Variants in EFCAB13 observed in about 807,000 individuals in gnomAD.
EFCAB13 encodes the protein EF-hand calcium-binding domain-containing protein 13.
EFCAB13 carries 91 observed loss-of-function variants against 110.2 expected under a neutral mutation model. The ratio of observed to expected loss-of-function variants is 0.83; its 90% CI spans 0.70 to 0.98. The LOEUF is 0.98. Among genes scored for constraint, EFCAB13 ranks in the 50% least tolerant of loss-of-function variants. The pLI is 0.00. For missense variants in EFCAB13, 968 were observed against 1,119.4 expected (o/e 0.86, Z 1.93); for synonymous variants, 323 against 369.9 (o/e 0.87, Z 1.45).
At chr17:47,346,436 C>G (rs2065416594) in intron 8 of EFCAB13, among the ~76,000 whole-genome samples, 1 of 126,718 alleles carries the variant, frequency 7.9e-6, no homozygotes, top group African/African-American at 2.9e-5. Flanking sequence ...GTACTTTACC[C>G]CCCCCCCCAT....
intron 2 of EFCAB13, among the ~76,000 whole-genome samples, chr17:47,325,694 C>T (rs1470636467): frequency 6.6e-6 from 1 of 151,738 alleles, no homozygotes. Flanking sequence ...TCAGTTCTTG[C>T]AGGTCTGTAC....
chr17:47,334,692 G>A (rs1007216533), intron 4 of EFCAB13, among the ~76,000 whole-genome samples: 5 of 152,062 alleles, frequency 3.3e-5, no homozygotes, highest in Non-Finnish European at 7.4e-5. Context: ...GAGGTGGGAG[G>A]ACTGCTTGAG....
At chr17:47,424,872 A>ATTTTTTTTTTTTTTTTT (rs1459453287) in intron 23 of EFCAB13, among the ~76,000 whole-genome samples, 2 of 68,344 alleles carry the variant, frequency 2.9e-5, no homozygotes, top group African/African-American at 7.1e-5. Context: ...CCGGTTGACA[A>ATTTTTTTTTTTTTTTTT]TCTTTTTTTT....
chr17:47,394,001 A>G lies in EFCAB13; in HGVS notation c.1727-24A>G. On this transcript the variant is annotated intron_variant, in intron 15 of 24. Transcript: ENST00000331493. ...ATAATAATACTTAAAAGATGCCAAAAAAATGTGTTTCTTTTTCCTGTAGAA... is the reference window on the plus strand; with the variant it reads ...ATAATAATACTTAAAAGATGCCAAAGAAATGTGTTTCTTTTTCCTGTAGAA... 2.1e-6 allele frequency: 3 copies of G among 1,432,446 alleles called. No homozygotes were observed. The South Asian group carries it at 4.1e-5, about 20-fold the overall frequency. The allele number at this position is 1,432,446 out of a possible 1,614,324, so 88.7% of individuals were successfully genotyped here.
chr17:47,395,743 A>C (rs1207763116), intron 16 of EFCAB13, 91 bp from the exon 17 acceptor site: 1 of 1,139,622 alleles, frequency 8.8e-7, no homozygotes, highest in African/African-American at 1.6e-5. Flanking sequence ...AAACCATAAA[A>C]ACCTTAATTT....
intron 10 of EFCAB13, among the ~76,000 whole-genome samples, chr17:47,367,995 T>C (rs894973140): frequency 2.0e-5 from 3 of 152,122 alleles, no homozygotes; most frequent in Non-Finnish European, 2.9e-5. Flanking sequence ...AAGACACTTT[T>C]TCAGATTCAA....
chr17:47,402,534 G>T (rs539224104), intron 18 of EFCAB13, among the ~76,000 whole-genome samples: 51 of 152,312 alleles, frequency 3.3e-4, no homozygotes, highest in African/African-American at 1.2e-3. Context: ...AGGGAATATG[G>T]TCAGTGTCTG....
At chr17:47,397,158 C>T (rs1044750222) in intron 17 of EFCAB13, among the ~76,000 whole-genome samples, 154 of 152,030 alleles carry the variant, frequency 1.0e-3, no homozygotes, top group Admixed American at 2.2e-3. Context: ...ATTGCAGGCG[C>T]GCGCCGCCAC....
At position 47,391,651 on chromosome 17, in the gene EFCAB13, T is replaced by C. The variant is rs879251142; in HGVS notation, c.1726+71T>C. 5 of 1,362,462 alleles carry C rather than the reference T, an allele frequency of 3.7e-6. No individual in the cohort carries two copies. The South Asian group carries it at 6.3e-5, about 17-fold the overall frequency. 84.4% of individuals were successfully genotyped at this position (1,362,462 alleles called of 1,614,324 possible). A position where few individuals can be genotyped will look rare whatever the true frequency, so the allele number is the denominator to read the frequency against. On this transcript the variant is annotated intron_variant, in intron 15 of 24. Coordinates refer to ENST00000331493, the MANE Select transcript of EFCAB13 (RefSeq NM_152347.5). ...GAGGGTCAATTTGTTATTTTTTTCT[T>C]AGAAAAATGACTAATTTTTTTATTA...
rs1284222705 is a variant in EFCAB13 at position 47,369,356 on chromosome 17, G to T, written c.806-1081G>T. On this transcript the variant is annotated intron_variant, in intron 10 of 24. Coordinates refer to ENST00000331493, the MANE Select transcript of EFCAB13 (RefSeq NM_152347.5). ...TTTCAATTGTGTATTTTTTTCCAAG[G>T]CGAGGAAACCATTGGCAATACAAGA... Among the ~76,000 whole-genome samples, 3 of 151,956 alleles carry T rather than the reference G, an allele frequency of 2.0e-5. No individual in the cohort carries two copies. In the East Asian group the frequency reaches 5.8e-4, roughly 29 times the overall value.
intron 24 of EFCAB13, among the ~76,000 whole-genome samples, chr17:47,436,248 T>C (rs1905212065): frequency 6.6e-6 from 1 of 152,154 alleles, no homozygotes; most frequent in Admixed American, 6.6e-5. Flanking sequence ...TTTGGTTATG[T>C]CCTTTCTTGG....
intron 15 of EFCAB13, among the ~76,000 whole-genome samples, chr17:47,392,570 A>G (rs937533710): frequency 6.6e-6 from 1 of 152,146 alleles, no homozygotes; most frequent in Admixed American, 6.5e-5. Flanking sequence ...TACCAATAGG[A>G]CAAGATAAGG....
Position 47,395,836 on chromosome 17 carries a change from T to C in EFCAB13, c.1804T>C (p.Leu602=). 6.2e-7 allele frequency: 1 copy of C among 1,601,404 alleles called. No individual in the cohort carries two copies. Among genetic ancestry groups the C allele is most frequent in the Non-Finnish European group, 8.5e-7 (1 of 1,172,548 alleles). ...CTTGTGTTTTATCTACCCTTTAGTATTGCCTGATGCTATTGAAACCCTCGA... is the reference window on the plus strand; with the variant it reads ...CTTGTGTTTTATCTACCCTTTAGTACTGCCTGATGCTATTGAAACCCTCGA... The part of the protein sequence containing the change: ...NTECFSEKLV[L]PDAIETLDDL... The change falls in exon 17 of 25, where the codon TTG becomes CTG. Residue 602 remains leucine, a splice_region_variant and synonymous_variant. Transcript: ENST00000331493.
Position 47,327,325 on chromosome 17 carries a change from C to T in EFCAB13, c.-86+938C>T, listed in dbSNP as rs545356301. 1.8e-3 allele frequency among the ~76,000 whole-genome samples: 269 copies of T among 151,960 alleles called. 2 individuals are homozygous for T. Among genetic ancestry groups the T allele is most frequent in the African/African-American group, 6.4e-3 (266 of 41,430 alleles). ...GATTATAGGTGCGTGCCACCACACTCGGCTAATTTTTGTATTTTCAGTAGA... is the reference window on the plus strand; with the variant it reads ...GATTATAGGTGCGTGCCACCACACTTGGCTAATTTTTGTATTTTCAGTAGA... On this transcript the variant is annotated intron_variant, in intron 3 of 24. Transcript: ENST00000331493.
chr17:47,404,921 A>G (rs2065797690), intron 20 of EFCAB13, among the ~76,000 whole-genome samples: 1 of 152,128 alleles, frequency 6.6e-6, no homozygotes, highest in African/African-American at 2.4e-5. Context: ...GTTCTTTTTA[A>G]TGCTGTAAAA....
At chr17:47,390,623 A>G (rs554168686) in intron 14 of EFCAB13, among the ~76,000 whole-genome samples, 147 of 152,286 alleles carry the variant, frequency 9.7e-4, no homozygotes, top group African/African-American at 3.4e-3. Context: ...AAGTAATAAT[A>G]TGTATATTTA....
intron 4 of EFCAB13, 68 bp from the exon 5 acceptor site, chr17:47,335,128 C>A: frequency 1.4e-6 from 2 of 1,411,852 alleles, no homozygotes; most frequent in South Asian, 1.6e-5. Context: ...AATGATTGAC[C>A]CAGAATGTCA....
intron 8 of EFCAB13, 132 bp downstream of exon 8, chr17:47,345,230 A>G (rs2065408611): frequency 6.7e-6 from 4 of 593,590 alleles, no homozygotes; most frequent in Non-Finnish European, 8.6e-6. Context: ...ATGGTATGGC[A>G]AATGCTGCGG....
At chr17:47,386,471 G>A (rs2065676853) in intron 14 of EFCAB13, among the ~76,000 whole-genome samples, 2 of 152,156 alleles carry the variant, frequency 1.3e-5, no homozygotes, top group South Asian at 4.1e-4. Context: ...AGTAATGGCA[G>A]ATGCCCTTCC....
Sources: allele counts gnomAD v4.1 joint callset (sites outside exome capture counted in the v4.1 genomes callset), GRCh38; gene constraint gnomAD v4.1.1; transcripts MANE v1.5; gene names NCBI Gene and HGNC (gene_info 2026-07-23, HGNC 2026-07-21).